Variants in EPHA5 observed in about 807,000 individuals in gnomAD.
EPHA5 encodes the protein ephrin type-A receptor 5.
EPHA5 carries 60 observed loss-of-function variants against 105.0 expected under a neutral mutation model. That is an observed-to-expected ratio of 0.57 (90% CI 0.46 to 0.71). The LOEUF (loss-of-function observed/expected upper bound fraction) is 0.71, where lower values mean the gene tolerates loss of function less well. EPHA5 is among the 30% of genes least tolerant of loss of function. EPHA5 has a pLI of 0.00. For missense variants in EPHA5, 1,218 were observed against 1,274.7 expected (o/e 0.96, Z 0.68); for synonymous variants, 513 against 449.1 (o/e 1.14, Z -1.80).
intron 6 of EPHA5, among the ~76,000 whole-genome samples, chr4:65,415,320 T>A (rs1001388219): frequency 3.3e-5 from 5 of 152,104 alleles, no homozygotes; most frequent in African/African-American, 1.2e-4. Flanking sequence ...CTCACAGAGA[T>A]GTTGTAAAAA....
chr4:65,424,870 T>C (rs1340029758), intron 5 of EPHA5, among the ~76,000 whole-genome samples: 2 of 152,094 alleles, frequency 1.3e-5, no homozygotes, highest in Non-Finnish European at 2.9e-5. Flanking sequence ...TAGTTACACT[T>C]AGTATAGAAC....
In EPHA5 at chr4:65,323,806, T is replaced by A. The variant is rs535600412; in HGVS notation, c.*308A>T. ...TTCAGTCTATAAAAGTGCTATATAA[T>A]TATATATTTCATGTACAAAATTTTG... On this transcript the variant is annotated 3_prime_UTR_variant, in exon 17 of 17. Coordinates refer to ENST00000613740, the MANE Select transcript of EPHA5 (RefSeq NM_001281766.3). 1.7e-4 allele frequency: 44 copies of A among 251,784 alleles called. 1 individual carries two copies. The Admixed American group carries it at 2.2e-3, about 12-fold the overall frequency. 15.6% of individuals were successfully genotyped at this position (251,784 alleles called of 1,614,324 possible).
At chr4:65,503,455 CTAGAATGTA>C (rs1271758573) in intron 3 of EPHA5, among the ~76,000 whole-genome samples, 1 of 151,552 alleles carries the variant, frequency 6.6e-6, no homozygotes, top group Non-Finnish European at 1.5e-5. Context: ...AACTGGCTAA[CTAGAATGTA>C]AGTTTAAATG....
chr4:65,348,326 C>T (rs780198754), intron 13 of EPHA5, 123 bp from the exon 14 acceptor site: 70 of 794,120 alleles, frequency 8.8e-5, no homozygotes, highest in Non-Finnish European at 1.2e-4. Flanking sequence ...TTTGACAGCG[C>T]GCAGTGTCTT....
In EPHA5 at chr4:65,351,607, A is replaced by G. The variant is rs1722822365; in HGVS notation, c.2236-9T>C. On this transcript the variant is annotated splice_polypyrimidine_tract_variant and intron_variant, in intron 12 of 16. Transcript: ENST00000613740. ...AACTGCCCATCGTTTTTCTGTAAAG[A>G]CAATGTAGAAATATTAGTCTAGCAA... 1.9e-6 allele frequency: 3 copies of G among 1,612,726 alleles called. No individual in the cohort carries two copies. The highest frequency in any genetic ancestry group is 1.3e-5 in the African/African-American group (1 of 74,860).
chr4:65,669,524 G>A, intron 1 of EPHA5, 38 bp downstream of exon 1: 7 of 1,342,034 alleles, frequency 5.2e-6, no homozygotes, highest in South Asian at 2.2e-5. Flanking sequence ...TAGCCCCTCC[G>A]CCCCAGGTCG....
Position 65,635,747 on chromosome 4 carries a change from G to C in EPHA5, c.246+7616C>G, listed in dbSNP as rs181761978. Among the ~76,000 whole-genome samples, 292 of 152,194 alleles carry C rather than the reference G, an allele frequency of 1.9e-3. 1 individual carries two copies. Among genetic ancestry groups the C allele is most frequent in the Non-Finnish European group, 3.0e-3 (206 of 67,986 alleles). Reference sequence around the variant, plus strand: ...AGGGAAAGATTATGTTCACATAAAGGCTTAGACTATATAAATTAATCAATA... The same window carrying C: ...AGGGAAAGATTATGTTCACATAAAGCCTTAGACTATATAAATTAATCAATA... On this transcript the variant is annotated intron_variant, in intron 2 of 16. Coordinates refer to ENST00000613740, the MANE Select transcript of EPHA5 (RefSeq NM_001281766.3).
rs927452758 is a variant in EPHA5 at position 65,399,497 on chromosome 4, T to C, written c.1793+4877A>G. ...AGGTGCCCCTGGCCACAGAGGCTTC[T>C]GCCTGGAAAAGCAACACCCTAAGAA... is the stretch of plus-strand genomic sequence containing the variant. On this transcript the variant is annotated intron_variant, in intron 8 of 16. Coordinates refer to ENST00000613740, the MANE Select transcript of EPHA5 (RefSeq NM_001281766.3). Among the ~76,000 whole-genome samples, 6 of 152,330 alleles carry C rather than the reference T, an allele frequency of 3.9e-5. No homozygotes were observed. The South Asian group carries it at 1.2e-3, about 32-fold the overall frequency.
At chr4:65,458,073 CAAAAAAAAA>C (rs10565968) in intron 5 of EPHA5, among the ~76,000 whole-genome samples, 1 of 72,572 alleles carries the variant, frequency 1.4e-5, no homozygotes, top group Non-Finnish European at 2.4e-5. Context: ...CACTCCATCC[CAAAAAAAAA>C]AAAAAAAAAA....
At chr4:65,595,824 C>T (rs987480592) in intron 3 of EPHA5, among the ~76,000 whole-genome samples, 7 of 152,112 alleles carry the variant, frequency 4.6e-5, no homozygotes, top group Admixed American at 6.6e-5. Flanking sequence ...TCGTGATCCA[C>T]CTGCCTTGGC....
intron 6 of EPHA5, 84 bp from the exon 7 acceptor site, chr4:65,414,527 A>G: frequency 6.9e-7 from 1 of 1,446,424 alleles, no homozygotes; most frequent in Non-Finnish European, 9.5e-7. Context: ...AGATCAGAAA[A>G]TGAATCAGAA....
intron 1 of EPHA5, among the ~76,000 whole-genome samples, chr4:65,649,693 T>C (rs1427944023): frequency 6.6e-6 from 1 of 152,204 alleles, no homozygotes; most frequent in Non-Finnish European, 1.5e-5. Context: ...TCCATTATAA[T>C]CTGGCTTCAA....
chr4:65,625,508 A>T (rs1463286757), intron 2 of EPHA5, among the ~76,000 whole-genome samples: 1 of 152,180 alleles, frequency 6.6e-6, no homozygotes, highest in African/African-American at 2.4e-5. Context: ...CAAGAATAAG[A>T]TATCAAACAT....
Position 65,320,044 on chromosome 4 carries a change from C to CT in EPHA5, c.*4069dup, listed in dbSNP as rs1446104817. On this transcript the variant is annotated 3_prime_UTR_variant, in exon 17 of 17. Transcript: ENST00000613740. ...TTTGATTCTGATTATTATAAACAGA[C>CT]TTTTTTTCTTTTAAAAGAATTGGTA... 2 of 229,874 alleles carry CT rather than the reference C, an allele frequency of 8.7e-6. No individual in the cohort carries two copies. Among genetic ancestry groups the CT allele is most frequent in the East Asian group, 6.2e-5 (1 of 16,256 alleles). The allele number at this position is 229,874 out of a possible 1,614,324, so 14.2% of individuals were successfully genotyped here.
chr4:65,460,085 T>A (rs1268453740), intron 5 of EPHA5, among the ~76,000 whole-genome samples: 1 of 151,736 alleles, frequency 6.6e-6, no homozygotes, highest in Non-Finnish European at 1.5e-5. Flanking sequence ...CTTTCCAATT[T>A]GATTTCTGTT....
At chr4:65,664,098 G>A (rs1749767080) in intron 1 of EPHA5, among the ~76,000 whole-genome samples, 1 of 151,796 alleles carries the variant, frequency 6.6e-6, no homozygotes, top group Admixed American at 6.6e-5. Context: ...CAAATGTCTG[G>A]AAAGTCAGAA....
chr4:65,422,074 A>G (rs1723998745), intron 5 of EPHA5, among the ~76,000 whole-genome samples: 1 of 152,176 alleles, frequency 6.6e-6, no homozygotes, highest in Non-Finnish European at 1.5e-5. Context: ...AAAGTTAAGC[A>G]TAAACTATTT....
At chr4:65,580,638 G>A (rs1741523655) in intron 3 of EPHA5, among the ~76,000 whole-genome samples, 1 of 151,664 alleles carries the variant, frequency 6.6e-6, no homozygotes, top group South Asian at 2.1e-4. Flanking sequence ...AAAGCCCTCT[G>A]CTCTTTCCCT....
intron 1 of EPHA5, among the ~76,000 whole-genome samples, chr4:65,668,540 G>T (rs1750161591): frequency 6.6e-6 from 1 of 152,106 alleles, no homozygotes; most frequent in South Asian, 2.1e-4. Flanking sequence ...GCTCAGTCCG[G>T]GTGTGGGAGA....
Sources: allele counts gnomAD v4.1 joint callset (sites outside exome capture counted in the v4.1 genomes callset), GRCh38; gene constraint gnomAD v4.1.1; transcripts MANE v1.5; gene names NCBI Gene and HGNC (gene_info 2026-07-23, HGNC 2026-07-21).